The following TUBA1B variants were observed in gnomAD, a reference collection of about 807,000 sequenced individuals.
The protein encoded by TUBA1B is tubulin alpha-1B chain.
In TUBA1B, 1 loss-of-function variant was observed where a neutral mutation model predicts 34.4. That is an observed-to-expected ratio of 0.03 (90% confidence interval 0.01 to 0.14). The LOEUF is 0.14. Ranked by LOEUF, TUBA1B falls within the 10% of genes least tolerant of loss-of-function variation. TUBA1B has a pLI of 1.00. For synonymous variants in TUBA1B, 197 were observed against 212.5 expected, an observed-to-expected ratio of 0.93 and a Z score of 0.64; for missense variants, 54 against 583.6, an observed-to-expected ratio of 0.09 and a Z score of 9.35.
Position 49,128,973 on chromosome 12 carries a change from C to T in TUBA1B, c.376-35G>A, listed in dbSNP as rs1464068623. The T allele has an allele frequency of 1.3e-6, 2 of 1,563,950 alleles. No individual in the cohort carries two copies. The highest frequency in any genetic ancestry group is 1.7e-6 in the Non-Finnish European group (2 of 1,159,176). On this transcript the variant is annotated intron_variant, in intron 3 of 3. Coordinates refer to ENST00000336023, the MANE Select transcript of TUBA1B (RefSeq NM_006082.3). This position sits in a 1 kb window ranked among gnomAD's most constrained non-coding sequence, Gnocchi z 8.1. ...AATAAAAAAATGTAATATTTTAATG[C>T]CAGGACACATTATCTTAGAATTTCT...
chr12:49,130,020 T>A, intron 1 of TUBA1B: 1 of 1,130,082 alleles, frequency 8.8e-7, no homozygotes, highest in Non-Finnish European at 1.2e-6. Flanking sequence ...AAAACGAATT[T>A]CCTTTTCTAA....
At chr12:49,130,266 G>A (rs1222411161) in intron 1 of TUBA1B, 4 of 1,288,944 alleles carry the variant, frequency 3.1e-6, no homozygotes, top group Admixed American at 2.3e-5. Flanking sequence ...TCACATTTCC[G>A]GGCAGCTCCT....
In TUBA1B at chr12:49,130,056, CT is replaced by C. The variant is rs1941784114; in HGVS notation, c.4-335del. ...AGCGATCTTTTCTAAAGATCCTTTT[CT>C]AAGATGTACTACTTTTGAGAACAGC... On this transcript the variant is annotated intron_variant, in intron 1 of 3. Coordinates refer to ENST00000336023, the MANE Select transcript of TUBA1B (RefSeq NM_006082.3). 2.5e-6 allele frequency: 3 copies of C among 1,177,014 alleles called. No individual in the cohort carries two copies. In the South Asian group the frequency reaches 4.9e-5, roughly 19 times the overall value. 72.9% of individuals were successfully genotyped at this position (1,177,014 alleles called of 1,614,324 possible).
chr12:49,131,369 G>C lies in TUBA1B; in HGVS notation c.-69C>G, dbSNP rs1050403881. The C allele has an allele frequency of 6.3e-6, 10 of 1,583,788 alleles. No homozygotes were observed. Among genetic ancestry groups the C allele is most frequent in the Non-Finnish European group, 8.6e-6 (10 of 1,159,840 alleles). On this transcript the variant is annotated 5_prime_UTR_variant, in exon 1 of 4. Coordinates refer to ENST00000336023, the MANE Select transcript of TUBA1B (RefSeq NM_006082.3). ...GGGTCCCGGTTACCGTCCCCGACAA[G>C]CTAAGAGTCGAGGTAAGTAACGCAC...
rs990887977 is a variant in TUBA1B at position 49,130,180 on chromosome 12, C to T, written c.4-458G>A. 1.7e-4 allele frequency: 208 copies of T among 1,247,922 alleles called. 7 individuals carry two copies. The South Asian group carries it at 2.2e-3, about 13-fold the overall frequency. 77.3% of individuals were successfully genotyped at this position (1,247,922 alleles called of 1,614,324 possible). On this transcript the variant is annotated intron_variant, in intron 1 of 3. Transcript: ENST00000336023. ...CAAGACAGCTCAGTCACAGCTTCCT[C>T]CTTTGGAGGACCAAGACAGGAAGGT...
intron 1 of TUBA1B, 150 bp from the exon 2 acceptor site, chr12:49,129,872 C>T (rs1941781263): frequency 7.4e-7 from 1 of 1,351,528 alleles, no homozygotes. Flanking sequence ...TCACTGCAGC[C>T]TAGGCTCCAG....
At chr12:49,129,044 C>A in intron 3 of TUBA1B, 106 bp from the exon 4 acceptor site, 1 of 1,519,220 alleles carries the variant, frequency 6.6e-7, no homozygotes, top group East Asian at 2.3e-5. Flanking sequence ...GATGTAAGCA[C>A]AAGGAATTGG....
chr12:49,130,321 TC>T (rs1024256637), intron 1 of TUBA1B: 2 of 1,289,074 alleles, frequency 1.6e-6, no homozygotes, highest in African/African-American at 3.0e-5. Context: ...GAAATGTCTG[TC>T]CGCAGGGACA....
intron 1 of TUBA1B, chr12:49,130,001 C>A (rs1408612247): frequency 1.0e-5 from 11 of 1,054,282 alleles, no homozygotes; most frequent in Non-Finnish European, 1.3e-5. Context: ...AGGCTACTCA[C>A]GTAATCTGAA....
chr12:49,130,467 T>A, intron 1 of TUBA1B: 3 of 748,840 alleles, frequency 4.0e-6, no homozygotes, highest in Non-Finnish European at 5.9e-6. Context: ...CTCCCTTGCC[T>A]GCCGGCATCG....
At chr12:49,130,503 G>T in intron 1 of TUBA1B, 1 of 437,258 alleles carries the variant, frequency 2.3e-6, no homozygotes, top group Non-Finnish European at 4.1e-6. Context: ...CTCCACAGCA[G>T]TCTGAGCGCA....
chr12:49,129,764 T>A, intron 1 of TUBA1B, 42 bp from the exon 2 acceptor site: 1 of 1,613,156 alleles, frequency 6.2e-7, no homozygotes, highest in Non-Finnish European at 8.5e-7. Context: ...AACCAATCTA[T>A]TGATGACTGT....
Position 49,129,735 on chromosome 12 carries a change from A to T in TUBA1B, c.4-13T>A, listed in dbSNP as rs367642951. 1.3e-3 allele frequency: 2,077 copies of T among 1,597,988 alleles called. 5 individuals are homozygous for T. Among genetic ancestry groups the T allele is most frequent in the Non-Finnish European group, 1.7e-3 (1,980 of 1,172,658 alleles). On this transcript the variant is annotated splice_polypyrimidine_tract_variant and intron_variant, in intron 1 of 3. Coordinates refer to ENST00000336023, the MANE Select transcript of TUBA1B (RefSeq NM_006082.3). ...AGATGCACTCACGCTGCGGGAAGGA[A>T]AAAAGATATCACAATTTAAACCAAT...
chr12:49,130,356 G>A (rs1249842442), intron 1 of TUBA1B: 14 of 1,289,022 alleles, frequency 1.1e-5, no homozygotes, highest in South Asian at 2.5e-5. Flanking sequence ...TGCGGCACAG[G>A]ATGAATGAGC....
intron 1 of TUBA1B, chr12:49,130,422 C>A (rs1162296536): frequency 8.3e-7 from 1 of 1,207,480 alleles, no homozygotes. Context: ...CACGAAATGG[C>A]CACGTCTGCA....
chr12:49,131,036 T>C, intron 1 of TUBA1B: 2 of 460,430 alleles, frequency 4.3e-6, no homozygotes, highest in South Asian at 2.6e-5. Flanking sequence ...GAGCTCCGGA[T>C]ACGGCGGAGG....
rs1184116693 is a variant in TUBA1B at position 49,128,171 on chromosome 12, G to A, written c.1143C>T (p.Thr381=). 1.9e-6 allele frequency: 3 copies of A among 1,614,160 alleles called. No homozygotes were observed. Among genetic ancestry groups the A allele is most frequent in the Middle Eastern group, 3.3e-4 (2 of 6,062 alleles). ...GAGCCCAGGCCTCAGCAATGGCTGT[G>A]GTGTTGCTCAGCATGCACACAGCTC... ...VQRAVCMLSN[T]TAIAEAWARL... is the part of the protein sequence containing the mutation. Residue 381 remains threonine (T), a synonymous_variant, in exon 4 of 4, where the codon ACC becomes ACT. Coordinates refer to ENST00000336023, the MANE Select transcript of TUBA1B (RefSeq NM_006082.3). The surrounding 1 kb of genome is among the most constrained non-coding windows in gnomAD (Gnocchi z 8.1).
intron 1 of TUBA1B, chr12:49,130,326 A>G: frequency 2.3e-6 from 3 of 1,289,238 alleles, no homozygotes; most frequent in Non-Finnish European, 3.0e-6. Flanking sequence ...GTCTGTCCGC[A>G]GGGACAAGGG....
Position 49,129,764 on chromosome 12 carries a change from T to C in TUBA1B, c.4-42A>G, listed in dbSNP as rs749413739. The C allele has an allele frequency of 1.6e-5, 26 of 1,613,038 alleles. No individual in the cohort carries two copies. In the East Asian group the frequency reaches 4.2e-4, roughly 26 times the overall value. ...AGATATCACAATTTAAACCAATCTA[T>C]TGATGACTGTCAAGTGGAACAAAAT... On this transcript the variant is annotated intron_variant, in intron 1 of 3. Transcript: ENST00000336023.
Sources: allele counts gnomAD v4.1 joint callset, GRCh38; gene constraint gnomAD v4.1.1; non-coding constraint Gnocchi (gnomAD v3.1); transcripts MANE v1.5; gene names NCBI Gene and HGNC (gene_info 2026-07-23, HGNC 2026-07-21).